TENM4: variants seen among roughly 807,000 people sequenced by gnomAD.
TENM4 encodes the protein teneurin transmembrane protein 4.
Under a neutral mutation model 243.3 loss-of-function variants are expected in TENM4, and 82 were observed. That is an observed-to-expected ratio of 0.34 (90% confidence interval 0.28 to 0.40). TENM4 has a LOEUF of 0.40. TENM4 is among the 10% of genes least tolerant of loss of function. TENM4 has a pLI of 1.00. For synonymous variants in TENM4, 1,412 were observed against 1,456.3 expected, an observed-to-expected ratio of 0.97 and a Z score of 0.69; for missense variants, 3,138 against 3,673.3, an observed-to-expected ratio of 0.85 and a Z score of 3.77.
At chr11:79,211,124 T>G (rs1863946792) in intron 3 of TENM4, among the ~76,000 whole-genome samples, 2 of 152,062 alleles carry the variant, frequency 1.3e-5, no homozygotes, top group African/African-American at 4.8e-5. Flanking sequence ...GGAAAGATGG[T>G]AAGAAAGGCA....
At chr11:79,066,040 C>T (rs1348989146) in intron 5 of TENM4, among the ~76,000 whole-genome samples, 1 of 152,222 alleles carries the variant, frequency 6.6e-6, no homozygotes, top group Non-Finnish European at 1.5e-5. Context: ...GCAGAACCCA[C>T]ATTTAAACCA....
intron 4 of TENM4, chr11:79,096,566 T>G (rs1861082181): frequency 1.5e-5 from 2 of 134,814 alleles, no homozygotes; most frequent in South Asian, 2.6e-4. Flanking sequence ...CTGGTGTGCC[T>G]TCCCCGGTGG....
intron 13 of TENM4, among the ~76,000 whole-genome samples, chr11:78,813,562 A>G (rs1350770850): frequency 2.6e-5 from 4 of 152,252 alleles, no homozygotes; most frequent in Non-Finnish European, 4.4e-5. Flanking sequence ...GAATAAGGGA[A>G]AAAGGTAAAA....
chr11:79,155,078 C>T (rs368949431), intron 3 of TENM4, among the ~76,000 whole-genome samples: 106 of 152,300 alleles, frequency 7.0e-4, no homozygotes, highest in African/African-American at 2.5e-3. Context: ...CTTTCCTGTA[C>T]TGTTTGCTAC....
chr11:78,985,747 T>G (rs1005094992), intron 6 of TENM4, among the ~76,000 whole-genome samples: 1 of 152,240 alleles, frequency 6.6e-6, no homozygotes, highest in Non-Finnish European at 1.5e-5. Context: ...AATTTTTTTT[T>G]TATTGCCATG....
chr11:79,328,191 CCTT>C (rs1292175428), intron 1 of TENM4, among the ~76,000 whole-genome samples: 4 of 152,176 alleles, frequency 2.6e-5, no homozygotes, highest in African/African-American at 9.7e-5. Flanking sequence ...TAGACAATCA[CCTT>C]CTCTTTCTAT....
chr11:79,010,278 C>T (rs1858609648), intron 6 of TENM4, among the ~76,000 whole-genome samples: 1 of 152,140 alleles, frequency 6.6e-6, no homozygotes, highest in African/African-American at 2.4e-5. Flanking sequence ...ACGGTTTCTG[C>T]TGCAAAGGAA....
At chr11:78,662,391 A>G (rs959000552) in intron 32 of TENM4, among the ~76,000 whole-genome samples, 1 of 151,940 alleles carries the variant, frequency 6.6e-6, no homozygotes, top group African/African-American at 2.4e-5. Flanking sequence ...GGGTTTTACC[A>G]TCTTGGTCAG....
chr11:78,764,408 G>GC, intron 18 of TENM4, among the ~76,000 whole-genome samples: 1 of 152,362 alleles, frequency 6.6e-6, no homozygotes, highest in Middle Eastern at 3.4e-3. Context: ...TGGCTTCCAA[G>GC]CCCTGTCGCC....
At chr11:79,413,556 G>A (rs1858747652) in intron 1 of TENM4, among the ~76,000 whole-genome samples, 1 of 152,176 alleles carries the variant, frequency 6.6e-6, no homozygotes, top group Non-Finnish European at 1.5e-5. Flanking sequence ...GCCTCAGCTG[G>A]AGAGGGTTGT....
intron 1 of TENM4, among the ~76,000 whole-genome samples, chr11:79,386,608 A>G (rs915434974): frequency 2.0e-5 from 3 of 152,196 alleles, no homozygotes; most frequent in African/African-American, 7.2e-5. Context: ...GGCATTTCAC[A>G]AAAGAAGACA....
chr11:79,014,928 T>C (rs1313936210), intron 6 of TENM4, among the ~76,000 whole-genome samples: 1 of 152,198 alleles, frequency 6.6e-6, no homozygotes, highest in Non-Finnish European at 1.5e-5. Context: ...CTGCACTAAC[T>C]TCATTGTTTC....
At chr11:79,182,547 A>G (rs1041315220) in intron 3 of TENM4, among the ~76,000 whole-genome samples, 1 of 152,210 alleles carries the variant, frequency 6.6e-6, no homozygotes, top group Non-Finnish European at 1.5e-5. Flanking sequence ...CAAAAGCACA[A>G]TTCTTGAAAG....
In TENM4 at chr11:78,885,928, C is replaced by CACAA. The variant is rs772886607; in HGVS notation, c.1084+3853_1084+3856dup. ...TGACAGAGTGAGACCCCCATCTCTA[C>CACAA]ACAAACAAACAAACAAACAAACTAA... is the stretch of plus-strand genomic sequence containing the variant. On this transcript the variant is annotated intron_variant, in intron 9 of 33. Coordinates refer to ENST00000278550, the MANE Select transcript of TENM4 (RefSeq NM_001098816.3). Among the ~76,000 whole-genome samples the CACAA allele has an allele frequency of 3.2e-4, 48 of 151,906 alleles. 1 individual carries two copies. Among genetic ancestry groups the CACAA allele is most frequent in the Admixed American group, 2.4e-3 (36 of 15,256 alleles).
At chr11:79,166,340 T>C (rs1284200546) in intron 3 of TENM4, among the ~76,000 whole-genome samples, 1 of 152,236 alleles carries the variant, frequency 6.6e-6, no homozygotes, top group African/African-American at 2.4e-5. Context: ...GCATGTTCTC[T>C]TTTTAAGAGG....
rs749433747 is a variant in TENM4, at chr11:78,891,195, C to T, written c.848+43G>A. 12 of 1,535,912 alleles carry T rather than the reference C, an allele frequency of 7.8e-6. No homozygotes were observed. In the South Asian group the frequency reaches 1.1e-4, roughly 14 times the overall value. On this transcript the variant is annotated intron_variant, in intron 8 of 33. Transcript: ENST00000278550. ...GGTCTGCATGCAAGTGCAGGAGCCA[C>T]AAGGAGAGCACACACAGAGAGGAGA... is the stretch of plus-strand genomic sequence containing the variant.
intron 1 of TENM4, among the ~76,000 whole-genome samples, chr11:79,352,150 G>C (rs1857424994): frequency 6.6e-6 from 1 of 152,190 alleles, no homozygotes; most frequent in African/African-American, 2.4e-5. Flanking sequence ...TCTTGTTCCT[G>C]AATATCTCCA....
chr11:79,181,423 G>A (rs1261364749), intron 3 of TENM4, among the ~76,000 whole-genome samples: 1 of 152,078 alleles, frequency 6.6e-6, no homozygotes. Context: ...AGTAAATGAG[G>A]AATAGAAGGG....
At chr11:78,724,934 A>C (rs1375596474) in intron 23 of TENM4, among the ~76,000 whole-genome samples, 1 of 152,152 alleles carries the variant, frequency 6.6e-6, no homozygotes, top group African/African-American at 2.4e-5. Context: ...TGGAGCACAG[A>C]GAGAGAGGAG....
Sources: allele counts gnomAD v4.1 joint callset (sites outside exome capture counted in the v4.1 genomes callset), GRCh38; gene constraint gnomAD v4.1.1; transcripts MANE v1.5; gene names NCBI Gene and HGNC (gene_info 2026-07-23, HGNC 2026-07-21).